SLC19A1: variants seen among roughly 807,000 people sequenced by gnomAD.
SLC19A1 encodes solute carrier family 19 member 1, also known as reduced folate transporter.
Under a neutral mutation model 35.3 loss-of-function variants are expected in SLC19A1, and 37 were observed. The ratio of observed to expected loss-of-function variants is 1.05; its 90% CI spans 0.81 to 1.38. The LOEUF is 1.38. Among genes scored for constraint, SLC19A1 ranks in the 40% most tolerant of loss-of-function variants. SLC19A1 has a pLI of 0.00. For missense variants in SLC19A1, 831 were observed against 826.9 expected, an observed-to-expected ratio of 1.00 and a Z score of -0.06; for synonymous variants, 460 against 398.5, an observed-to-expected ratio of 1.15 and a Z score of -1.84.
chr21:45,549,517 C>G (rs1028499187), intron 1 of SLC19A1, among the ~76,000 whole-genome samples: 2 of 150,070 alleles, frequency 1.3e-5, no homozygotes, highest in Admixed American at 6.7e-5. Context: ...GGAAGCAAGT[C>G]GAATGCTCCA....
At chr21:45,507,139 C>G (rs1182657329) in intron 3 of SLC19A1, 9 of 194,022 alleles carry the variant, frequency 4.6e-5, no homozygotes, top group African/African-American at 2.7e-4. Context: ...GGAGGGCACC[C>G]TCCTGTGGGC....
At position 45,530,832 on chromosome 21, in the gene SLC19A1, C is replaced by A; in HGVS notation, c.1089G>T (p.Trp363Cys). ...LAHTRHPSSI[W>C]LCYAAFVLFR... ...ACAGCACGAAGGCCGCATAGCACAG[C>A]CAGATGCTGCTCGGGTGGCGCGTGT... The change falls in exon 4 of 6, where the codon TGG becomes TGT. Residue 363 changes from tryptophan (W) to cysteine (C), a missense_variant. Trp to Cys is a radical substitution (Grantham distance 215, BLOSUM62 -2). Coordinates refer to ENST00000311124, the MANE Select transcript of SLC19A1 (RefSeq NM_194255.4). The surrounding 1 kb of genome is among the most constrained non-coding windows in gnomAD (Gnocchi z 5.3). 1 of 1,535,640 alleles carries A rather than the reference C, an allele frequency of 6.5e-7. No homozygotes were observed. Among genetic ancestry groups the A allele is most frequent in the South Asian group, 1.2e-5 (1 of 82,038 alleles).
intron 3 of SLC19A1, chr21:45,506,044 C>T: frequency 1.2e-6 from 2 of 1,606,322 alleles, no homozygotes; most frequent in Non-Finnish European, 1.7e-6. Context: ...AGGCGAGAGG[C>T]TCAGGCCCCG....
chr21:45,521,757 G>A (rs1212030963), intron 5 of SLC19A1, among the ~76,000 whole-genome samples: 1 of 152,160 alleles, frequency 6.6e-6, no homozygotes, highest in Non-Finnish European at 1.5e-5. Flanking sequence ...TAATTCAATG[G>A]GGAGAGCTAA....
At chr21:45,561,516 A>G (rs2078614668) in intron 1 of SLC19A1, among the ~76,000 whole-genome samples, 1 of 151,832 alleles carries the variant, frequency 6.6e-6, no homozygotes, top group Non-Finnish European at 1.5e-5. Context: ...ATCCCAGCAC[A>G]TTGGGAGGCT....
downstream of SLC19A1, chr21:45,509,651 C>T (rs80156137): frequency 4.3e-3 from 4,314 of 995,318 alleles, 130 homozygotes; most frequent in African/African-American, 0.061. Flanking sequence ...CCTCGGCTCT[C>T]GGCAGCAGAA....
chr21:45,530,489 C>T lies in SLC19A1; in HGVS notation c.1151+281G>A, dbSNP rs2077832992. On this transcript the variant is annotated intron_variant, in intron 4 of 5. Transcript: ENST00000311124. This position sits in a 1 kb window ranked among gnomAD's most constrained non-coding sequence, Gnocchi z 5.3. ...CTGCCTGGATGGGGTCTCAGCAGCC[C>T]GGGGCCTAGAGGGTGGGGTTGGGAG... Among the ~76,000 whole-genome samples, 1 of 152,078 alleles carries T rather than the reference C, an allele frequency of 6.6e-6. No homozygotes were observed. The highest frequency in any genetic ancestry group is 2.4e-5 in the African/African-American group (1 of 41,406).
Position 45,534,473 on chromosome 21 carries a change from G to T in SLC19A1, c.190-2325C>A. On this transcript the variant is annotated intron_variant, in intron 2 of 5. Transcript: ENST00000311124. This position sits in a 1 kb window ranked among gnomAD's most constrained non-coding sequence, Gnocchi z 4.2. ...CAAAATGGTAGACAGCCAGCAGAGA[G>T]GCTCTCCCCAGACCCCACGGCTCTC... 7.9e-7 allele frequency: 1 copy of T among 1,258,354 alleles called. No homozygotes were observed. Among genetic ancestry groups the T allele is most frequent in the Non-Finnish European group, 1.1e-6 (1 of 896,458 alleles). 77.9% of individuals were successfully genotyped at this position (1,258,354 alleles called of 1,614,324 possible). A position where few individuals can be genotyped will look rare whatever the true frequency, so the allele number is the denominator to read the frequency against.
chr21:45,508,866 A>G (rs1011580944), downstream of SLC19A1, among the ~76,000 whole-genome samples: 21 of 152,120 alleles, frequency 1.4e-4, no homozygotes, highest in African/African-American at 5.1e-4. Flanking sequence ...GTGGATGGCA[A>G]TGGCAGCTGG....
intron 2 of SLC19A1, among the ~76,000 whole-genome samples, chr21:45,535,011 G>A (rs2078060879): frequency 6.6e-6 from 1 of 152,274 alleles, no homozygotes; most frequent in Non-Finnish European, 1.5e-5. Context: ...CAGGGAGGCG[G>A]GAAGGTGGGC....
chr21:45,561,087 T>C (rs930849860), intron 1 of SLC19A1, among the ~76,000 whole-genome samples: 1 of 152,154 alleles, frequency 6.6e-6, no homozygotes, highest in South Asian at 2.1e-4. Flanking sequence ...CGAACCACAG[T>C]ATTTTCTGCT....
At chr21:45,520,198 A>T (rs2077396599) in intron 5 of SLC19A1, among the ~76,000 whole-genome samples, 1 of 152,196 alleles carries the variant, frequency 6.6e-6, no homozygotes, top group Admixed American at 6.5e-5. Context: ...GAGTGGGGAA[A>T]TTTATAGCAT....
downstream of SLC19A1, chr21:45,510,003 C>T (rs536293548): frequency 2.6e-4 from 395 of 1,520,498 alleles, no homozygotes; most frequent in African/African-American, 4.9e-3. Flanking sequence ...GTGGTGCGCC[C>T]GGGGCCTGGG....
At chr21:45,505,630 G>A (rs995622274) in intron 3 of SLC19A1, among the ~76,000 whole-genome samples, 1 of 152,182 alleles carries the variant, frequency 6.6e-6, no homozygotes, top group African/African-American at 2.4e-5. Context: ...GCCGGGAAGT[G>A]CCCAGGGCCT....
At chr21:45,529,517 CAGGGTCAGTGTCTGAGTGTG>C (rs2077771684) in intron 4 of SLC19A1, among the ~76,000 whole-genome samples, 1 of 152,178 alleles carries the variant, frequency 6.6e-6, no homozygotes, top group South Asian at 2.1e-4. Context: ...TGTGAGCACA[CAGGGTCAGTGTCTGAGTGTG>C]TCAGTGTGTG....
In SLC19A1 at chr21:45,514,930, C is replaced by A. The variant is rs1342416621; in HGVS notation, c.*728G>T. ...CACGTCCGCGGTGACCGGGACCAGTCCCCTCCGGGCTGGCACAAGTGTGGG... is the reference window on the plus strand; with the variant it reads ...CACGTCCGCGGTGACCGGGACCAGTACCCTCCGGGCTGGCACAAGTGTGGG... On this transcript the variant is annotated 3_prime_UTR_variant, in exon 6 of 6. Transcript: ENST00000311124. The A allele has an allele frequency of 1.7e-5, 24 of 1,391,288 alleles. No individual in the cohort carries two copies. The highest frequency in any genetic ancestry group is 3.1e-5 in the Admixed American group (1 of 31,820). The allele number at this position is 1,391,288 out of a possible 1,614,324, so 86.2% of individuals were successfully genotyped here.
chr21:45,561,054 C>G (rs962199989), intron 1 of SLC19A1, among the ~76,000 whole-genome samples: 1 of 152,214 alleles, frequency 6.6e-6, no homozygotes, highest in African/African-American at 2.4e-5. Context: ...AACGACCAAG[C>G]CTAATCCACT....
chr21:45,509,559 C>T (rs750380927), downstream of SLC19A1: 19 of 1,533,334 alleles, frequency 1.2e-5, no homozygotes, highest in Non-Finnish European at 1.6e-5. Flanking sequence ...CGGCGCGACC[C>T]ACAAGCCCAC....
Position 45,530,631 on chromosome 21 carries a change from TG to T in SLC19A1, c.1151+138del. ...CCCAGGGAGAGGCAAGTGGGGACCC[TG>T]GTCAGCTCCAGGTGGCTGGCGGGGC... On this transcript the variant is annotated intron_variant, in intron 4 of 5. Transcript: ENST00000311124. The surrounding 1 kb of genome is among the most constrained non-coding windows in gnomAD (Gnocchi z 5.3). The T allele has an allele frequency of 2.4e-6, 2 of 846,846 alleles. No homozygotes were observed. Among genetic ancestry groups the T allele is most frequent in the Non-Finnish European group, 1.8e-6 (1 of 558,506 alleles). 52.5% of individuals were successfully genotyped at this position (846,846 alleles called of 1,614,324 possible).
Sources: allele counts gnomAD v4.1 joint callset (sites outside exome capture counted in the v4.1 genomes callset), GRCh38; gene constraint gnomAD v4.1.1; non-coding constraint Gnocchi (gnomAD v3.1); transcripts MANE v1.5; gene names NCBI Gene and HGNC (gene_info 2026-07-23, HGNC 2026-07-21).